SLIT3: variants seen among roughly 807,000 people sequenced by gnomAD.
SLIT3 encodes slit homolog 3 protein.
Under a neutral mutation model 184.0 loss-of-function variants are expected in SLIT3, and 68 were observed. The ratio of observed to expected loss-of-function variants is 0.37; its 90% confidence interval spans 0.30 to 0.45. The LOEUF (loss-of-function observed/expected upper bound fraction) is 0.45, where lower values mean the gene tolerates loss of function less well. Among genes scored for constraint, SLIT3 ranks in the 20% least tolerant of loss-of-function variants. The pLI, the probability that SLIT3 is intolerant of heterozygous loss-of-function variation, is 1.00. For synonymous variants in SLIT3, 831 were observed against 828.6 expected (o/e 1.00, Z -0.05); for missense variants, 1,707 against 2,026.0 (o/e 0.84, Z 3.02).
rs866046985 is a variant in SLIT3 at position 169,110,248 on chromosome 5, A to C, written c.413+83231T>G. Among the ~76,000 whole-genome samples, 34 of 152,336 alleles carry C rather than the reference A, an allele frequency of 2.2e-4. No homozygotes were observed. The Middle Eastern group carries it at 0.01, about 46-fold the overall frequency. On this transcript the variant is annotated intron_variant, in intron 4 of 35. Transcript: ENST00000519560. The stretch of plus-strand genomic sequence containing the variant: ...CATGGTTGAGTATGGCCCCAAAGCC[A>C]AAAATACTTATCATCTGACACAGCT...
chr5:169,185,273 G>A (rs536627272), intron 4 of SLIT3, among the ~76,000 whole-genome samples: 15 of 152,280 alleles, frequency 9.9e-5, no homozygotes, highest in Non-Finnish European at 2.2e-4. Flanking sequence ...CAGGAAATCG[G>A]GACTCAGTTT....
intron 4 of SLIT3, among the ~76,000 whole-genome samples, chr5:169,123,701 C>G (rs1450889264): frequency 6.6e-6 from 1 of 152,172 alleles, no homozygotes; most frequent in Non-Finnish European, 1.5e-5. Context: ...AATGAGGAGG[C>G]ACATGGTTTT....
intron 1 of SLIT3, among the ~76,000 whole-genome samples, chr5:169,257,510 GAT>G (rs1422487734): frequency 3.1e-5 from 4 of 127,678 alleles, no homozygotes. Flanking sequence ...AAATATCTTT[GAT>G]ACAATAGCTT....
chr5:169,006,586 C>G (rs1755936051), intron 4 of SLIT3, among the ~76,000 whole-genome samples: 1 of 145,654 alleles, frequency 6.9e-6, no homozygotes, highest in African/African-American at 2.6e-5. Context: ...TCTTCTCTCT[C>G]TCTCTCTCTC....
intron 15 of SLIT3, among the ~76,000 whole-genome samples, chr5:168,761,198 G>T (rs181527699): frequency 1.3e-5 from 2 of 152,256 alleles, no homozygotes; most frequent in East Asian, 3.9e-4. Context: ...GTGGGCATGC[G>T]TTGTTTTCAG....
At chr5:168,927,858 A>G (rs1761880463) in intron 4 of SLIT3, among the ~76,000 whole-genome samples, 1 of 152,246 alleles carries the variant, frequency 6.6e-6, no homozygotes, top group Non-Finnish European at 1.5e-5. Context: ...GGTGCCTATG[A>G]TGAATTGGAT....
At chr5:169,137,287 CTTCTCT>C (rs1234552239) in intron 4 of SLIT3, among the ~76,000 whole-genome samples, 1 of 149,712 alleles carries the variant, frequency 6.7e-6, no homozygotes, top group Non-Finnish European at 1.5e-5. Context: ...ATCTCCCCCT[CTTCTCT>C]TTCTATCTAC....
At chr5:168,791,976 G>A (rs1159259693) in intron 10 of SLIT3, 1 of 152,164 alleles carries the variant, frequency 6.6e-6, no homozygotes, top group East Asian at 1.9e-4. Flanking sequence ...TAGATTCCAT[G>A]TATAAGTGAG....
chr5:168,952,412 C>T (rs1762677895), intron 4 of SLIT3, among the ~76,000 whole-genome samples: 1 of 151,894 alleles, frequency 6.6e-6, no homozygotes, highest in African/African-American at 2.4e-5. Context: ...GCACCAGCGT[C>T]ACATCTGGTA....
chr5:168,956,286 G>A (rs1286607339), intron 4 of SLIT3, among the ~76,000 whole-genome samples: 1 of 152,190 alleles, frequency 6.6e-6, no homozygotes, highest in African/African-American at 2.4e-5. Context: ...TAAAAGGCCA[G>A]TAGCATCTCT....
Position 169,248,845 on chromosome 5 carries a change from T to A in SLIT3, c.269+2543A>T, listed in dbSNP as rs142419651. Among the ~76,000 whole-genome samples the A allele has an allele frequency of 2.6e-5, 4 of 152,106 alleles. No homozygotes were observed. In the East Asian group the frequency reaches 7.7e-4, roughly 29 times the overall value. ...TCCCATCCCATGGGAGAAAAAAAAA[T>A]GTCCTGGGCAATTCTTCTATCTTCT... On this transcript the variant is annotated intron_variant, in intron 2 of 35. Transcript: ENST00000519560.
intron 4 of SLIT3, among the ~76,000 whole-genome samples, chr5:169,083,506 C>G (rs1338305885): frequency 2.0e-5 from 3 of 152,154 alleles, no homozygotes; most frequent in Non-Finnish European, 4.4e-5. Context: ...ACTTACAGTC[C>G]CAAACTGATG....
At chr5:168,967,770 CT>C (rs1232213042) in intron 4 of SLIT3, among the ~76,000 whole-genome samples, 1 of 152,114 alleles carries the variant, frequency 6.6e-6, no homozygotes, top group African/African-American at 2.4e-5. Flanking sequence ...TTTTTCATTC[CT>C]TTCATTGCAC....
intron 4 of SLIT3, among the ~76,000 whole-genome samples, chr5:168,926,292 C>T (rs116628346): frequency 0.036 from 5,401 of 151,974 alleles, 159 homozygotes; most frequent in African/African-American, 0.07. Flanking sequence ...CAGAGCAGGA[C>T]GGATGCGTCT....
At chr5:168,930,758 CAT>C (rs1369160817) in intron 4 of SLIT3, among the ~76,000 whole-genome samples, 1 of 152,008 alleles carries the variant, frequency 6.6e-6, no homozygotes, top group Admixed American at 6.6e-5. Context: ...GCTCAGTTCA[CAT>C]GAGAAGCTAA....
intron 21 of SLIT3, among the ~76,000 whole-genome samples, chr5:168,724,145 CAGG>C (rs1224166470): frequency 2.0e-5 from 3 of 152,168 alleles, no homozygotes; most frequent in African/African-American, 4.8e-5. Flanking sequence ...AGGCTGGTTT[CAGG>C]AGTTTATAGG....
intron 4 of SLIT3, among the ~76,000 whole-genome samples, chr5:168,962,442 T>G (rs2113288676): frequency 6.6e-6 from 1 of 152,278 alleles, no homozygotes; most frequent in East Asian, 1.9e-4. Flanking sequence ...TCTTGCTCTA[T>G]TTTAGGAGAA....
intron 5 of SLIT3, among the ~76,000 whole-genome samples, chr5:168,852,648 C>T (rs183940382): frequency 6.8e-4 from 103 of 152,316 alleles, no homozygotes; most frequent in African/African-American, 2.3e-3. Flanking sequence ...GATCACTCAT[C>T]AAGAAAATTA....
intron 3 of SLIT3, among the ~76,000 whole-genome samples, chr5:169,243,917 A>C (rs892147288): frequency 6.6e-6 from 1 of 152,258 alleles, no homozygotes; most frequent in Non-Finnish European, 1.5e-5. Flanking sequence ...CCCTGCTCAG[A>C]GGGCAGAAAG....
Sources: gnomAD v4.1 joint callset for allele counts (sites outside exome capture counted in the v4.1 genomes callset) on GRCh38, gnomAD v4.1.1 for gene constraint, MANE v1.5 for transcripts, NCBI Gene and HGNC (gene_info 2026-07-23, HGNC 2026-07-21) for gene names.